TRPA1: variants seen among roughly 807,000 people sequenced by gnomAD.
The protein encoded by TRPA1 is ankyrin-like with transmembrane domains 1.
TRPA1 carries 129 observed loss-of-function variants against 131.3 expected under a neutral mutation model. That is an observed-to-expected ratio of 0.98 (90% confidence interval 0.85 to 1.14). TRPA1 has a LOEUF of 1.14. Ranked by LOEUF, TRPA1 falls within the 50% of genes most tolerant of loss-of-function variation. TRPA1 has a pLI of 0.00. For missense variants in TRPA1, 1,304 were observed against 1,354.2 expected, an observed-to-expected ratio of 0.96 and a Z score of 0.58; for synonymous variants, 441 against 451.7, an observed-to-expected ratio of 0.98 and a Z score of 0.30.
the TRPA1 span, among the ~76,000 whole-genome samples, chr8:72,087,926 T>C: frequency 6.6e-6 from 1 of 152,210 alleles, no homozygotes; most frequent in Admixed American, 6.5e-5. Flanking sequence ...GGCAGCTCTA[T>C]GTGCTTCAGC....
intron 15 of TRPA1, 93 bp from the exon 16 acceptor site, chr8:72,047,300 T>A (rs13255063): frequency 0.23 from 209,251 of 911,304 alleles, 26,519 homozygotes; most frequent in Middle Eastern, 0.37. Context: ...CACAAGACAT[T>A]CCCTTTCCTT....
chr8:72,075,813 T>C (rs1806169058), upstream of TRPA1, among the ~76,000 whole-genome samples: 1 of 151,502 alleles, frequency 6.6e-6, no homozygotes, highest in South Asian at 2.1e-4. Flanking sequence ...GAATTTGTTA[T>C]AATAAACTAA....
Position 72,050,851 on chromosome 8 carries a change from A to C in TRPA1, c.1832T>G (p.Ile611Ser), listed in dbSNP as rs751985018. 19 of 1,609,052 alleles carry C rather than the reference A, an allele frequency of 1.2e-5. No individual in the cohort carries two copies. The highest frequency in any genetic ancestry group is 1.6e-5 in the Non-Finnish European group (19 of 1,176,822). ...ATTGCCTGGAGAATTATGACTGAAA[A>C]TCTTAAGACATTCATCCCATCTGTA... Reference protein sequence around the residue: ...RSKRWDECLKIFSHNSPGNKC... With the variant: ...RSKRWDECLKSFSHNSPGNKC... Residue 611 changes from isoleucine to serine, a missense_variant, in exon 15 of 27, where the codon ATT becomes AGT. Ile to Ser is a moderately radical substitution (Grantham distance 142). Coordinates refer to ENST00000262209, the MANE Select transcript of TRPA1 (RefSeq NM_007332.3).
intron 1 of TRPA1, among the ~76,000 whole-genome samples, chr8:72,073,838 C>T (rs1806117136): frequency 6.6e-6 from 1 of 152,160 alleles, no homozygotes; most frequent in Admixed American, 6.5e-5. Flanking sequence ...CTATTTATGA[C>T]TCAGTTCTCT....
intron 16 of TRPA1, 71 bp downstream of exon 16, chr8:72,047,074 TAAC>T (rs1805347865): frequency 8.7e-7 from 1 of 1,148,098 alleles, no homozygotes; most frequent in African/African-American, 1.6e-5. Flanking sequence ...AGATCAATAG[TAAC>T]AATATTTTTA....
At chr8:72,043,048 T>C (rs986809800) in intron 17 of TRPA1, among the ~76,000 whole-genome samples, 2 of 151,854 alleles carry the variant, frequency 1.3e-5, no homozygotes, top group African/African-American at 4.8e-5. Flanking sequence ...AGACAGTAAA[T>C]TTAACTTTAT....
Position 72,057,820 on chromosome 8 carries a change from A to T in TRPA1, c.994-4T>A, listed in dbSNP as rs1350331705. The T allele has an allele frequency of 1.2e-6, 2 of 1,603,088 alleles. No individual in the cohort carries two copies. The highest frequency in any genetic ancestry group is 1.7e-6 in the Non-Finnish European group (2 of 1,170,072). On this transcript the variant is annotated splice_region_variant and splice_polypyrimidine_tract_variant and intron_variant, in intron 8 of 26. Transcript: ENST00000262209. ...CGATCTTATTAATATCTGCTCCCTAAAAATCAAACAAACCATTCAACAAAG... is the reference window on the plus strand; with the variant it reads ...CGATCTTATTAATATCTGCTCCCTATAAATCAAACAAACCATTCAACAAAG...
intron 23 of TRPA1, among the ~76,000 whole-genome samples, chr8:72,030,977 C>A (rs1811793516): frequency 6.6e-6 from 1 of 152,118 alleles, no homozygotes; most frequent in African/African-American, 2.4e-5. Flanking sequence ...GCATGCTGCA[C>A]CAGAAAGAAA....
chr8:72,083,806 T>C, the TRPA1 span, among the ~76,000 whole-genome samples: 2 of 152,166 alleles, frequency 1.3e-5, no homozygotes, highest in South Asian at 2.1e-4. Context: ...GGGCTTAAAC[T>C]GTAGAATCTG....
chr8:72,062,258 C>T (rs1012262033), intron 6 of TRPA1: 2 of 181,270 alleles, frequency 1.1e-5, no homozygotes, highest in Admixed American at 1.1e-4. Flanking sequence ...ACAGAAAATA[C>T]AGGCCTTTGC....
At chr8:72,058,683 C>T (rs1360793319) in intron 8 of TRPA1, among the ~76,000 whole-genome samples, 1 of 152,098 alleles carries the variant, frequency 6.6e-6, no homozygotes. Flanking sequence ...GCATATAATG[C>T]ATAGTTTATG....
chr8:72,029,380 T>A (rs1194676084), intron 24 of TRPA1, among the ~76,000 whole-genome samples: 1 of 152,200 alleles, frequency 6.6e-6, no homozygotes, highest in Non-Finnish European at 1.5e-5. Context: ...AAGATTGTTC[T>A]CGGACATTTT....
the TRPA1 span, among the ~76,000 whole-genome samples, chr8:72,087,155 A>G: frequency 6.6e-6 from 1 of 152,202 alleles, no homozygotes; most frequent in Non-Finnish European, 1.5e-5. Context: ...CCAGCTCTGT[A>G]AAACTCCATG....
chr8:72,038,264 A>G (rs1812128750), intron 19 of TRPA1, among the ~76,000 whole-genome samples, 192 bp from the exon 20 acceptor site: 1 of 151,992 alleles, frequency 6.6e-6, no homozygotes, highest in South Asian at 2.1e-4. Flanking sequence ...ACACACCCTC[A>G]TTTAGGAATG....
chr8:72,037,105 T>G (rs1019446770), intron 20 of TRPA1, among the ~76,000 whole-genome samples: 2 of 152,110 alleles, frequency 1.3e-5, no homozygotes, highest in Non-Finnish European at 2.9e-5. Context: ...GTGCCTTAAA[T>G]CGTTTAAGGT....
Position 72,036,428 on chromosome 8 carries a change from A to G in TRPA1, c.2415T>C (p.Asn805=). The G allele has an allele frequency of 1.2e-6, 2 of 1,614,072 alleles. No individual in the cohort carries two copies. Among genetic ancestry groups the G allele is most frequent in the Non-Finnish European group, 1.7e-6 (2 of 1,179,956 alleles). The change falls in exon 21 of 27, where the codon AAT becomes AAC. Residue 805 remains asparagine (N), a synonymous_variant. Coordinates refer to ENST00000262209, the MANE Select transcript of TRPA1 (RefSeq NM_007332.3). ...TCGTGTAGATAATCCATTCAAGAAC[A>G]TTGCTTATATCCATAAAATAATTCC... is the stretch of plus-strand genomic sequence containing the variant. The part of the protein sequence containing the change: ...QKRNYFMDIS[N]VLEWIIYTTG...
In TRPA1 at chr8:72,055,809, C is replaced by T. The variant is rs758793459; in HGVS notation, c.1241G>A (p.Cys414Tyr). 1.2e-6 allele frequency: 2 copies of T among 1,613,320 alleles called. No homozygotes were observed. Among genetic ancestry groups the T allele is most frequent in the South Asian group, 1.1e-5 (1 of 91,066 alleles). Residue 414 changes from cysteine to tyrosine, a missense_variant, in exon 11 of 27, where the codon TGT becomes TAT. By Grantham distance (194) the Cys-to-Tyr change is radical. Coordinates refer to ENST00000262209, the MANE Select transcript of TRPA1 (RefSeq NM_007332.3). ...ELVMDEDNDG[C>Y]TPLHYACRQG... ...TCTACATGCATAATGTAGAGGAGTA[C>T]ACCCATCGTTGTCTTCATCCATTAC...
At chr8:72,061,504 T>C in intron 7 of TRPA1, 121 bp downstream of exon 7, 1 of 1,146,188 alleles carries the variant, frequency 8.7e-7, no homozygotes, top group East Asian at 2.4e-5. Context: ...TTGTTATCTT[T>C]GCCCTTTTCC....
chr8:72,023,820 T>C lies in TRPA1; in HGVS notation c.3143A>G (p.Lys1048Arg). The change falls in exon 26 of 27, where the codon AAA (lysine) becomes AGA (arginine). Residue 1048 changes from lysine (K) to arginine (R), a missense_variant. Lys to Arg is a conservative substitution (Grantham distance 26). Transcript: ENST00000262209. ...TAGAAGGAAAAATACATACCGGTAT[T>C]TCTGCTTTAATATTTCCATTTCTAA... Reference protein sequence around the residue: ...KSLEMEILKQKYRLKDLTFLL... With the variant: ...KSLEMEILKQRYRLKDLTFLL... 6.4e-7 allele frequency: 1 copy of C among 1,550,444 alleles called. No homozygotes were observed. Among genetic ancestry groups the C allele is most frequent in the Non-Finnish European group, 8.9e-7 (1 of 1,122,554 alleles).
Sources: allele counts gnomAD v4.1 joint callset (sites outside exome capture counted in the v4.1 genomes callset), GRCh38; gene constraint gnomAD v4.1.1; transcripts MANE v1.5; gene names NCBI Gene and HGNC (gene_info 2026-07-23, HGNC 2026-07-21).